The following PCDH15 variants were observed in gnomAD, a reference collection of about 807,000 sequenced individuals.
PCDH15 encodes the protein protocadherin-15.
In PCDH15, 129 loss-of-function variants were observed where a neutral mutation model predicts 178.5. That is an observed-to-expected ratio of 0.72 (90% CI 0.63 to 0.84). The LOEUF (loss-of-function observed/expected upper bound fraction) is 0.84, where lower values mean the gene tolerates loss of function less well. PCDH15 is among the 40% of genes least tolerant of loss of function. PCDH15 has a pLI of 0.00. For synonymous variants in PCDH15, 800 were observed against 732.0 expected, an observed-to-expected ratio of 1.09 and a Z score of -1.50; for missense variants, 2,230 against 2,099.9, an observed-to-expected ratio of 1.06 and a Z score of -1.21.
At chr10:54,697,416 G>C (rs2095244052) in intron 1 of PCDH15, among the ~76,000 whole-genome samples, 1 of 151,030 alleles carries the variant, frequency 6.6e-6, no homozygotes, top group Non-Finnish European at 1.5e-5. Context: ...GATTACCTGA[G>C]AACACAGTTT....
chr10:53,852,380 T>C (rs2078443403), intron 28 of PCDH15, among the ~76,000 whole-genome samples: 1 of 152,126 alleles, frequency 6.6e-6, no homozygotes, highest in Non-Finnish European at 1.5e-5. Flanking sequence ...GTATCTGTAG[T>C]GGATGCAGAT....
intron 2 of PCDH15, among the ~76,000 whole-genome samples, chr10:55,004,290 G>A (rs1173196206): frequency 6.6e-6 from 1 of 152,032 alleles, no homozygotes; most frequent in Admixed American, 6.6e-5. Flanking sequence ...AAAGATCCAC[G>A]ATGAGATTTC....
chr10:54,575,053 A>G (rs2090306823), intron 2 of PCDH15, among the ~76,000 whole-genome samples: 1 of 136,866 alleles, frequency 7.3e-6, no homozygotes, highest in African/African-American at 3.0e-5. Flanking sequence ...CGCAAGAACA[A>G]AAAACCAAGC....
At chr10:54,023,551 C>T (rs7899069) in intron 18 of PCDH15, among the ~76,000 whole-genome samples, 81,990 of 147,044 alleles carry the variant, frequency 0.56, 22,991 homozygotes, top group Middle Eastern at 0.71. Context: ...CATAATCTGC[C>T]GAGTGACAAT....
intron 13 of PCDH15, among the ~76,000 whole-genome samples, chr10:54,178,689 T>G (rs1311224215): frequency 6.6e-6 from 1 of 151,400 alleles, no homozygotes; most frequent in Non-Finnish European, 1.5e-5. Flanking sequence ...ACTTAAGAAG[T>G]ACCAGAATCT....
At chr10:54,840,167 C>A (rs1953393562) in intron 3 of PCDH15, among the ~76,000 whole-genome samples, 1 of 151,930 alleles carries the variant, frequency 6.6e-6, no homozygotes, top group Non-Finnish European at 1.5e-5. Flanking sequence ...TACTCTAATA[C>A]TATAATGACC....
chr10:54,247,273 A>G (rs551927898), intron 8 of PCDH15, among the ~76,000 whole-genome samples: 1 of 151,946 alleles, frequency 6.6e-6, no homozygotes, highest in Non-Finnish European at 1.5e-5. Flanking sequence ...ACTCATCCAC[A>G]TCAGAATTTA....
At chr10:54,841,914 T>A (rs1443100642) in intron 3 of PCDH15, among the ~76,000 whole-genome samples, 1 of 151,878 alleles carries the variant, frequency 6.6e-6, no homozygotes, top group Admixed American at 6.6e-5. Flanking sequence ...GATAATTACC[T>A]GATATAAACA....
intron 18 of PCDH15, among the ~76,000 whole-genome samples, chr10:54,044,064 T>C (rs2093607163): frequency 6.6e-6 from 1 of 152,128 alleles, no homozygotes; most frequent in Non-Finnish European, 1.5e-5. Context: ...AACAGCAGGA[T>C]ATGCCTTATA....
intron 2 of PCDH15, among the ~76,000 whole-genome samples, chr10:55,045,585 A>G (rs1231932204): frequency 6.6e-6 from 1 of 152,088 alleles, no homozygotes; most frequent in African/African-American, 2.4e-5. Context: ...TGTTTTTTGA[A>G]TTTACTAAAG....
chr10:55,270,778 A>C (rs1449055214), intron 1 of PCDH15, among the ~76,000 whole-genome samples: 5 of 151,424 alleles, frequency 3.3e-5, no homozygotes, highest in Non-Finnish European at 4.4e-5. Context: ...CTACAATCCC[A>C]CTACTGAGTA....
intron 3 of PCDH15, among the ~76,000 whole-genome samples, chr10:54,484,735 C>A (rs1440662256): frequency 6.6e-6 from 1 of 151,630 alleles, no homozygotes; most frequent in African/African-American, 2.4e-5. Flanking sequence ...AAACAGAAAT[C>A]GAACGACAAT....
At position 55,022,452 on chromosome 10, in the gene PCDH15, C is replaced by CAAA. The variant is rs373971818; in HGVS notation, c.-79-124955_-79-124953dup. 2.6e-4 allele frequency among the ~76,000 whole-genome samples: 26 copies of CAAA among 99,366 alleles called. 1 individual carries two copies. Among genetic ancestry groups the CAAA allele is most frequent in the African/African-American group, 9.4e-4 (22 of 23,460 alleles). 65.2% of individuals were successfully genotyped at this position (99,366 alleles called of 152,430 possible). The stretch of plus-strand genomic sequence containing the variant: ...GGGTGACAGAGCGAGACTCTGTCTC[C>CAAA]AAAAAAAAAAAAAAAAAGGAAAGAG... On this transcript the variant is annotated intron_variant, in intron 2 of 5. Coordinates refer to the PCDH15 transcript ENST00000458638.
At chr10:54,169,990 C>T (rs1418659754) in intron 13 of PCDH15, among the ~76,000 whole-genome samples, 1 of 150,756 alleles carries the variant, frequency 6.6e-6, no homozygotes, top group African/African-American at 2.5e-5. Flanking sequence ...ACCCATTATT[C>T]TGTTCTAGAT....
chr10:55,301,230 T>C (rs1843269433), intron 1 of PCDH15, among the ~76,000 whole-genome samples: 1 of 152,198 alleles, frequency 6.6e-6, no homozygotes, highest in African/African-American at 2.4e-5. Flanking sequence ...ACCAGCAATG[T>C]ACTGTGAGTA....
At chr10:54,183,371 T>G in intron 13 of PCDH15, 73 bp downstream of exon 13, 1 of 1,386,864 alleles carries the variant, frequency 7.2e-7, no homozygotes, top group Non-Finnish European at 1.0e-6. Flanking sequence ...AAGTAATTTC[T>G]TCATGAGCAT....
chr10:55,216,577 C>A (rs1450738749), intron 1 of PCDH15, among the ~76,000 whole-genome samples: 3 of 151,510 alleles, frequency 2.0e-5, no homozygotes, highest in Admixed American at 2.0e-4. Context: ...TACAAAATAG[C>A]TAGAAGACAG....
intron 2 of PCDH15, among the ~76,000 whole-genome samples, chr10:55,592,590 C>A (rs543744173): frequency 6.6e-6 from 1 of 152,074 alleles, no homozygotes; most frequent in East Asian, 1.9e-4. Flanking sequence ...GTGGGGTGCC[C>A]AAATCTTTAT....
At chr10:54,995,391 C>A (rs867224437) in intron 2 of PCDH15, among the ~76,000 whole-genome samples, 92 of 125,720 alleles carry the variant, frequency 7.3e-4, no homozygotes, top group South Asian at 1.8e-3. Flanking sequence ...GACTCCGTCT[C>A]AAAAAAAAAA....
Sources: gnomAD v4.1 joint callset for allele counts (sites outside exome capture counted in the v4.1 genomes callset) on GRCh38, gnomAD v4.1.1 for gene constraint, MANE v1.5 for transcripts, NCBI Gene and HGNC (gene_info 2026-07-23, HGNC 2026-07-21) for gene names.